Variants in SMOC2 observed in about 807,000 individuals in gnomAD.
SMOC2 encodes SPARC-related modular calcium-binding protein 2.
In SMOC2, 39 loss-of-function variants were observed where a neutral mutation model predicts 61.4. That is an observed-to-expected ratio of 0.64 (90% CI 0.49 to 0.83). The LOEUF (loss-of-function observed/expected upper bound fraction) is 0.83, where lower values mean the gene tolerates loss of function less well. SMOC2 is among the 40% of genes least tolerant of loss of function. The probability of loss-of-function intolerance (pLI) is 0.00; values close to 1 mark genes in which losing one functional copy is unlikely to be tolerated. For missense variants in SMOC2, 556 were observed against 592.9 expected, an observed-to-expected ratio of 0.94 and a Z score of 0.65; for synonymous variants, 247 against 239.9, an observed-to-expected ratio of 1.03 and a Z score of -0.27.
At chr6:168,617,005 G>A (rs550657417) in intron 9 of SMOC2, among the ~76,000 whole-genome samples, 2 of 152,350 alleles carry the variant, frequency 1.3e-5, no homozygotes, top group South Asian at 2.1e-4. Flanking sequence ...AAAGAAAGTG[G>A]ACAGGATGCA....
At chr6:168,466,938 T>C (rs1177237635) in intron 1 of SMOC2, among the ~76,000 whole-genome samples, 3 of 152,182 alleles carry the variant, frequency 2.0e-5, no homozygotes, top group Non-Finnish European at 4.4e-5. Context: ...TTCCCTTGTC[T>C]ACTCTGAGCT....
chr6:168,528,502 T>C (rs1270341147), intron 4 of SMOC2, among the ~76,000 whole-genome samples: 2 of 152,272 alleles, frequency 1.3e-5, no homozygotes, highest in South Asian at 2.1e-4. Flanking sequence ...ATGTACAATC[T>C]TGAAACATTT....
intron 1 of SMOC2, among the ~76,000 whole-genome samples, chr6:168,442,261 G>A (rs1257459892): frequency 6.6e-6 from 1 of 152,246 alleles, no homozygotes; most frequent in Non-Finnish European, 1.5e-5. Context: ...GAGGGTCACC[G>A]CGGTTGACCG....
At chr6:168,509,852 GT>G in intron 1 of SMOC2, 62 bp from the exon 2 acceptor site, 1 of 1,515,922 alleles carries the variant, frequency 6.6e-7, no homozygotes, top group Non-Finnish European at 8.9e-7. Flanking sequence ...GCAGCCTTCT[GT>G]TTTCTGCTGC....
chr6:168,651,646 A>G (rs1787196143), intron 10 of SMOC2, among the ~76,000 whole-genome samples: 2 of 152,100 alleles, frequency 1.3e-5, no homozygotes, highest in Non-Finnish European at 2.9e-5. Context: ...TGGTCTCCTG[A>G]ACTAAAAGCC....
chr6:168,623,685 C>A (rs553510538), intron 9 of SMOC2, among the ~76,000 whole-genome samples: 1 of 148,508 alleles, frequency 6.7e-6, no homozygotes, highest in East Asian at 2.2e-4. Context: ...TGGCTCATGC[C>A]TGTAATCCCA....
chr6:168,534,717 C>T (rs951563532), intron 4 of SMOC2, among the ~76,000 whole-genome samples: 4 of 152,148 alleles, frequency 2.6e-5, no homozygotes, highest in East Asian at 1.9e-4. Flanking sequence ...ATAATCTGCT[C>T]CTCTGTTATA....
At chr6:168,657,655 T>G (rs1192259959) in intron 11 of SMOC2, among the ~76,000 whole-genome samples, 3 of 152,176 alleles carry the variant, frequency 2.0e-5, no homozygotes, top group Non-Finnish European at 2.9e-5. Context: ...TGGGATACCT[T>G]ATGAACACAA....
chr6:168,635,629 G>C (rs1786695956), intron 9 of SMOC2, among the ~76,000 whole-genome samples: 2 of 152,172 alleles, frequency 1.3e-5, no homozygotes, highest in Non-Finnish European at 2.9e-5. Flanking sequence ...CCAGCATTTT[G>C]GGAGGCCGAG....
intron 4 of SMOC2, among the ~76,000 whole-genome samples, chr6:168,538,829 G>A (rs1365281418): frequency 6.6e-6 from 1 of 150,750 alleles, no homozygotes; most frequent in East Asian, 2.0e-4. Context: ...GCTGGAATCT[G>A]GGGGAGTGGG....
At chr6:168,574,431 C>T (rs1434958448) in intron 7 of SMOC2, among the ~76,000 whole-genome samples, 6 of 152,282 alleles carry the variant, frequency 3.9e-5, no homozygotes, top group African/African-American at 9.6e-5. Flanking sequence ...GGGGAGAGGT[C>T]GCCTGAAGCC....
chr6:168,634,030 G>A (rs969964290), intron 9 of SMOC2, among the ~76,000 whole-genome samples: 3 of 152,202 alleles, frequency 2.0e-5, no homozygotes, highest in Non-Finnish European at 4.4e-5. Flanking sequence ...GGACATGTTT[G>A]CTTCCCCTTC....
In SMOC2 at chr6:168,453,338, G is replaced by A. The variant is rs906500010; in HGVS notation, c.84+11884G>A. 2.6e-5 allele frequency among the ~76,000 whole-genome samples: 4 copies of A among 152,088 alleles called. No homozygotes were observed. Among genetic ancestry groups the A allele is most frequent in the Non-Finnish European group, 4.4e-5 (3 of 68,006 alleles). On this transcript the variant is annotated intron_variant, in intron 1 of 12. Coordinates refer to ENST00000356284, the MANE Select transcript of SMOC2 (RefSeq NM_001166412.2). The surrounding 1 kb of genome is among the most constrained non-coding windows in gnomAD (Gnocchi z 4.4). ...CATTTCGGGCTGTGCCTTTGTCTCCGGGTCTCCTCCTCACTCTTCTCAGTC... is the reference window on the plus strand; with the variant it reads ...CATTTCGGGCTGTGCCTTTGTCTCCAGGTCTCCTCCTCACTCTTCTCAGTC...
intron 8 of SMOC2, among the ~76,000 whole-genome samples, chr6:168,599,944 TCA>T (rs1302873855): frequency 7.1e-6 from 1 of 141,558 alleles, no homozygotes; most frequent in East Asian, 2.3e-4. Flanking sequence ...ACACCCACAC[TCA>T]CACATCCACA....
chr6:168,620,835 A>G (rs1378952061), intron 9 of SMOC2, among the ~76,000 whole-genome samples: 2 of 152,196 alleles, frequency 1.3e-5, no homozygotes, highest in African/African-American at 2.4e-5. Context: ...AGACTAATAG[A>G]AATGGCCCAG....
intron 7 of SMOC2, among the ~76,000 whole-genome samples, chr6:168,598,313 C>T (rs1785381370): frequency 6.6e-6 from 1 of 152,184 alleles, no homozygotes; most frequent in Admixed American, 6.5e-5. Flanking sequence ...GACGATGAAC[C>T]GCATGTTGAG....
chr6:168,513,049 G>A (rs1783047058), intron 2 of SMOC2, among the ~76,000 whole-genome samples: 1 of 152,022 alleles, frequency 6.6e-6, no homozygotes, highest in Admixed American at 6.5e-5. Flanking sequence ...AAGACAACAT[G>A]ATTAAAATTG....
intron 1 of SMOC2, among the ~76,000 whole-genome samples, chr6:168,482,512 T>C (rs900481268): frequency 6.6e-6 from 1 of 152,066 alleles, no homozygotes; most frequent in Non-Finnish European, 1.5e-5. Context: ...CTAATCCTTC[T>C]TGAATGATTT....
intron 1 of SMOC2, among the ~76,000 whole-genome samples, chr6:168,492,158 A>C (rs1782484498): frequency 6.6e-6 from 1 of 152,238 alleles, no homozygotes; most frequent in African/African-American, 2.4e-5. Context: ...TTCTCTTGAA[A>C]GGAAAAATAT....
Sources: gnomAD v4.1 joint callset for allele counts (sites outside exome capture counted in the v4.1 genomes callset) on GRCh38, gnomAD v4.1.1 for gene constraint, Gnocchi (gnomAD v3.1) non-coding constraint, MANE v1.5 for transcripts, NCBI Gene and HGNC (gene_info 2026-07-23, HGNC 2026-07-21) for gene names.